Variants in HIPK1 observed in about 807,000 individuals in gnomAD.
HIPK1 encodes the protein homeodomain interacting protein kinase 1, also known as homeodomain-interacting protein kinase 1.
A neutral mutation model predicts 117.1 loss-of-function variants in HIPK1; 28 were observed. That is an observed-to-expected ratio of 0.24 (90% CI 0.18 to 0.33). The LOEUF is 0.33. Ranked by LOEUF, HIPK1 falls within the 10% of genes least tolerant of loss-of-function variation. The probability of loss-of-function intolerance (pLI) is 1.00; values close to 1 mark genes in which losing one functional copy is unlikely to be tolerated. For missense variants in HIPK1, 1,122 were observed against 1,475.1 expected, an observed-to-expected ratio of 0.76 and a Z score of 3.92; for synonymous variants, 605 against 562.5, an observed-to-expected ratio of 1.08 and a Z score of -1.07.
chr1:113,971,740 C>T, intron 14 of HIPK1, 84 bp from the exon 15 acceptor site: 7 of 1,329,414 alleles, frequency 5.3e-6, no homozygotes, highest in Non-Finnish European at 7.2e-6. Context: ...AAACTACATA[C>T]AGATGTGGAC....
At chr1:113,969,847 C>A in intron 13 of HIPK1, 109 bp from the exon 14 acceptor site, 1 of 1,234,538 alleles carries the variant, frequency 8.1e-7, no homozygotes, top group Non-Finnish European at 1.2e-6. Flanking sequence ...GTTGAGGTCG[C>A]AGCGAGCTGT....
At chr1:113,946,475 G>A (rs1335656935) in intron 2 of HIPK1, among the ~76,000 whole-genome samples, 1 of 152,146 alleles carries the variant, frequency 6.6e-6, no homozygotes, top group Non-Finnish European at 1.5e-5. Context: ...GTTATAATTG[G>A]GGCATGTTAA....
Position 113,977,536 on chromosome 1 carries a change from A to G in HIPK1, c.*4024A>G, listed in dbSNP as rs1407124515. On this transcript the variant is annotated 3_prime_UTR_variant, in exon 16 of 16. Coordinates refer to ENST00000426820, the MANE Select transcript of HIPK1 (RefSeq NM_198268.3). The stretch of plus-strand genomic sequence containing the variant: ...TTTTACAACAAGCCTCTAGAAACAG[A>G]TAGTTTCTGAGAATTACTGAGCTAT... The G allele has an allele frequency of 1.3e-5, 2 of 152,718 alleles. No homozygotes were observed. Among genetic ancestry groups the G allele is most frequent in the Admixed American group, 6.5e-5 (1 of 15,270 alleles). 9.5% of individuals were successfully genotyped at this position (152,718 alleles called of 1,614,324 possible). A position where few individuals can be genotyped will look rare whatever the true frequency, so the allele number is the denominator to read the frequency against.
chr1:113,945,307 T>C (rs770719896), intron 2 of HIPK1, among the ~76,000 whole-genome samples: 1 of 152,234 alleles, frequency 6.6e-6, no homozygotes, highest in Non-Finnish European at 1.5e-5. Flanking sequence ...TACCTGTTGA[T>C]AGTGTTTGAC....
chr1:113,949,600 CTT>C (rs11465018), intron 2 of HIPK1, among the ~76,000 whole-genome samples: 51 of 133,346 alleles, frequency 3.8e-4, no homozygotes, highest in Middle Eastern at 3.9e-3. Context: ...CTTTTCTTTT[CTT>C]TTTTTTTTTT....
intron 1 of HIPK1, among the ~76,000 whole-genome samples, chr1:113,931,639 GAAAA>G (rs894733694): frequency 6.7e-6 from 1 of 150,242 alleles, no homozygotes; most frequent in African/African-American, 2.4e-5. Context: ...CCTTCTAAAA[GAAAA>G]AAAAAGAAGA....
chr1:113,971,894 C>G lies in HIPK1; in HGVS notation c.3084C>G (p.Pro1028=). ...SGQSSGCCIT[P]TGYRAQRGGT... is the part of the protein sequence containing the mutation. ...AGTCATCTGGATGCTGTATCACCCCCACAGGGTATCGAGCTCAACGCGGGG... is the reference window on the plus strand; with the variant it reads ...AGTCATCTGGATGCTGTATCACCCCGACAGGGTATCGAGCTCAACGCGGGG... Residue 1028 remains proline, a synonymous_variant, in exon 15 of 16, where the codon CCC becomes CCG. Coordinates refer to ENST00000426820, the MANE Select transcript of HIPK1 (RefSeq NM_198268.3). 5.6e-6 allele frequency: 9 copies of G among 1,606,786 alleles called. No homozygotes were observed. Among genetic ancestry groups the G allele is most frequent in the Non-Finnish European group, 7.6e-6 (9 of 1,177,172 alleles).
rs373256987 is a variant in HIPK1 at position 113,940,604 on chromosome 1, T to G, written c.221T>G (p.Leu74Arg). The change falls in exon 2 of 16, where the codon CTC becomes CGC. Residue 74 changes from leucine to arginine, a missense_variant. Physicochemically the swap from Leu to Arg is moderately radical, Grantham distance 102. Coordinates refer to ENST00000426820, the MANE Select transcript of HIPK1 (RefSeq NM_198268.3). ...AACATCCCTGCTTACGACCAGGGCC[T>G]CCTCCTCCCAGCTCCTGCAGTGGAG... The part of the protein sequence containing the change: ...NFNIPAYDQG[L>R]LLPAPAVEHI... The G allele has an allele frequency of 2.4e-5, 38 of 1,614,018 alleles. No individual in the cohort carries two copies. Among genetic ancestry groups the G allele is most frequent in the African/African-American group, 8.0e-5 (6 of 74,892 alleles).
chr1:113,971,856 TC>T lies in HIPK1; in HGVS notation c.3047del (p.Ser1016Ter). On this transcript the variant is annotated frameshift_variant, in exon 15 of 16. Transcript: ENST00000426820. LOFTEE classifies it high-confidence loss of function. ...GAGCAATAAGACTAAGCCAGTCGCTTCAGTGAGTGGGCAGTCATCTGGATGC... is the reference window on the plus strand; with the variant it reads ...GAGCAATAAGACTAAGCCAGTCGCTTAGTGAGTGGGCAGTCATCTGGATGC... ...LLSNKTKPVA[S>X]VSGQSSGCCI... The T allele has an allele frequency of 6.3e-7, 1 of 1,599,762 alleles. No homozygotes were observed.
In HIPK1 at chr1:113,949,144, C is replaced by T. The variant is rs557992548; in HGVS notation, c.1077-3622C>T. Reference sequence around the variant, plus strand: ...TGAGCCACCGCGCCTGGCCTGTTATCGCTACCTTTTAAAGAAGAAAGTTAT... The same window carrying T: ...TGAGCCACCGCGCCTGGCCTGTTATTGCTACCTTTTAAAGAAGAAAGTTAT... On this transcript the variant is annotated intron_variant, in intron 2 of 15. Transcript: ENST00000426820. Among the ~76,000 whole-genome samples the T allele has an allele frequency of 1.5e-3, 224 of 152,162 alleles. 1 individual carries two copies. Among genetic ancestry groups the T allele is most frequent in the African/African-American group, 4.9e-3 (204 of 41,508 alleles).
At chr1:113,932,440 G>C (rs1263439061) in intron 1 of HIPK1, among the ~76,000 whole-genome samples, 1 of 151,140 alleles carries the variant, frequency 6.6e-6, no homozygotes, top group Non-Finnish European at 1.5e-5. Context: ...TGCCGTGGTG[G>C]GTTCAGGCTG....
rs1283803959 is a variant in HIPK1 at position 113,929,456 on chromosome 1, C to T, written c.-79C>T. ...GGCTCCCTACGGAGGCCCACCTACT[C>T]GAGGCCCACCGACTCCTACTGCAAT... On this transcript the variant is annotated 5_prime_UTR_variant, in exon 1 of 16. Transcript: ENST00000426820. 2 of 1,289,400 alleles carry T rather than the reference C, an allele frequency of 1.6e-6. No individual in the cohort carries two copies. The highest frequency in any genetic ancestry group is 5.5e-5 in the East Asian group (1 of 18,052). 79.9% of individuals were successfully genotyped at this position (1,289,400 alleles called of 1,614,324 possible).
chr1:113,930,228 G>A (rs1669773159), intron 1 of HIPK1, among the ~76,000 whole-genome samples: 1 of 152,276 alleles, frequency 6.6e-6, no homozygotes, highest in African/African-American at 2.4e-5. Flanking sequence ...TTAAGTGACA[G>A]GGGACCGCCT....
chr1:113,943,083 A>G (rs1352104303), intron 2 of HIPK1, among the ~76,000 whole-genome samples: 2 of 152,244 alleles, frequency 1.3e-5, no homozygotes, highest in African/African-American at 4.8e-5. Flanking sequence ...TTTTTTAAAA[A>G]CATTGTGGTA....
chr1:113,938,418 T>C (rs193228647), intron 1 of HIPK1, among the ~76,000 whole-genome samples: 2 of 152,184 alleles, frequency 1.3e-5, no homozygotes, highest in African/African-American at 4.8e-5. Context: ...TTGAGAATCT[T>C]GGACATTATC....
chr1:113,952,738 T>C (rs1320284630), intron 2 of HIPK1, 28 bp from the exon 3 acceptor site: 4 of 1,415,086 alleles, frequency 2.8e-6, no homozygotes, highest in Non-Finnish European at 2.8e-6. Context: ...TTTTTTTTTT[T>C]TAATCTGATA....
At chr1:113,957,810 G>C (rs12749600) in intron 7 of HIPK1, among the ~76,000 whole-genome samples, 1 of 151,730 alleles carries the variant, frequency 6.6e-6, no homozygotes, top group Non-Finnish European at 1.5e-5. Context: ...TTTTTGTGCA[G>C]AAGTAGTTGG....
intron 2 of HIPK1, chr1:113,951,300 CT>C: frequency 2.0e-6 from 2 of 978,692 alleles, no homozygotes; most frequent in Non-Finnish European, 2.4e-6. Flanking sequence ...TGAGTATGTA[CT>C]TTTACTTATT....
chr1:113,971,753 A>G, intron 14 of HIPK1, 71 bp from the exon 15 acceptor site: 1 of 1,479,022 alleles, frequency 6.8e-7, no homozygotes, highest in Non-Finnish European at 9.1e-7. Context: ...ATGTGGACTA[A>G]TTAATATGAT....
Sources: gnomAD v4.1 joint callset for allele counts (sites outside exome capture counted in the v4.1 genomes callset) on GRCh38, gnomAD v4.1.1 for gene constraint, MANE v1.5 for transcripts, NCBI Gene and HGNC (gene_info 2026-07-23, HGNC 2026-07-21) for gene names.